Variants in RAB27B observed in about 807,000 individuals in gnomAD.
The protein encoded by RAB27B is ras-related protein Rab-27B.
A neutral mutation model predicts 24.6 loss-of-function variants in RAB27B; 15 were observed. The ratio of observed to expected loss-of-function variants is 0.61; its 90% confidence interval spans 0.41 to 0.94. The LOEUF (loss-of-function observed/expected upper bound fraction) is 0.94, where lower values mean the gene tolerates loss of function less well. Among genes scored for constraint, RAB27B ranks in the 40% least tolerant of loss-of-function variants. The pLI is 0.00. For synonymous variants in RAB27B, 105 were observed against 92.5 expected (o/e 1.14, Z -0.78); for missense variants, 261 against 266.8 (o/e 0.98, Z 0.15).
At chr18:54,730,566 G>A (rs1909697274) in intron 2 of RAB27B, among the ~76,000 whole-genome samples, 1 of 152,022 alleles carries the variant, frequency 6.6e-6, no homozygotes, top group Non-Finnish European at 1.5e-5. Context: ...GTGGGGCCCG[G>A]TGGAGGTGTT....
At chr18:54,815,087 A>G (rs1368956255) in intron 2 of RAB27B, among the ~76,000 whole-genome samples, 3 of 152,172 alleles carry the variant, frequency 2.0e-5, no homozygotes, top group Non-Finnish European at 4.4e-5. Context: ...TTTATGTGCC[A>G]TAGATATATC....
chr18:54,759,629 G>A (rs1908117760), intron 2 of RAB27B, among the ~76,000 whole-genome samples: 1 of 152,200 alleles, frequency 6.6e-6, no homozygotes. Context: ...AAGTGAGAAT[G>A]TGCATTCCTG....
At chr18:54,755,956 C>T (rs1370652358) in intron 2 of RAB27B, among the ~76,000 whole-genome samples, 1 of 152,164 alleles carries the variant, frequency 6.6e-6, no homozygotes, top group East Asian at 1.9e-4. Context: ...AAAGAAACAA[C>T]CAGCAAAGAC....
intron 2 of RAB27B, among the ~76,000 whole-genome samples, chr18:54,800,165 C>T (rs904505215): frequency 6.6e-6 from 1 of 152,108 alleles, no homozygotes; most frequent in African/African-American, 2.4e-5. Flanking sequence ...TGTTCATTCC[C>T]TTTGGCAGCT....
chr18:54,817,301 C>T (rs886787807), intron 2 of RAB27B, among the ~76,000 whole-genome samples: 2 of 152,114 alleles, frequency 1.3e-5, no homozygotes, highest in African/African-American at 4.8e-5. Context: ...GAATTTATCA[C>T]GTATCTTTGG....
At position 54,850,333 on chromosome 18, in the gene RAB27B, G is replaced by GACATAT. The variant is rs869079784; in HGVS notation, c.-20+21634_-20+21635insCATATA. ...TATTTATTTAAAAGCAAACAAACAGGATATATATATATATATATATATATA... is the reference window on the plus strand; with the variant it reads ...TATTTATTTAAAAGCAAACAAACAGGACATATATATATATATATATATATATATATA... On this transcript the variant is annotated intron_variant, in intron 1 of 5. Transcript: ENST00000262094. Among the ~76,000 whole-genome samples, 264 of 95,082 alleles carry GACATAT rather than the reference G, an allele frequency of 2.8e-3. 13 individuals are homozygous for GACATAT. The Middle Eastern group carries it at 0.062, about 23-fold the overall frequency. The allele number at this position is 95,082 out of a possible 152,430, so 62.4% of individuals were successfully genotyped here.
chr18:54,794,192 A>C (rs900298963), intron 2 of RAB27B, among the ~76,000 whole-genome samples: 3 of 152,208 alleles, frequency 2.0e-5, no homozygotes, highest in Admixed American at 6.5e-5. Flanking sequence ...TATGAGAATT[A>C]AGTAAATTAA....
At chr18:54,733,653 C>A (rs546864261) in intron 2 of RAB27B, among the ~76,000 whole-genome samples, 8 of 122,510 alleles carry the variant, frequency 6.5e-5, no homozygotes, top group African/African-American at 1.5e-4. Context: ...TTCTAGAGCC[C>A]CCCCCCCCCA....
chr18:54,718,626 C>T (rs1200077331), intron 2 of RAB27B, among the ~76,000 whole-genome samples: 1 of 152,112 alleles, frequency 6.6e-6, no homozygotes, highest in East Asian at 1.9e-4. Context: ...TTTTCTTAAC[C>T]ATATACCATA....
At chr18:54,816,194 G>T (rs1432000225) in intron 2 of RAB27B, among the ~76,000 whole-genome samples, 1 of 152,168 alleles carries the variant, frequency 6.6e-6, no homozygotes, top group African/African-American at 2.4e-5. Flanking sequence ...TATCAATTGT[G>T]CCAGCAAAAA....
intron 4 of RAB27B, among the ~76,000 whole-genome samples, chr18:54,886,890 T>C (rs1913159103): frequency 2.0e-5 from 3 of 152,120 alleles, no homozygotes; most frequent in Admixed American, 2.0e-4. Flanking sequence ...GCATGCCTTA[T>C]GATAGACATT....
chr18:54,867,525 C>A (rs769474848), intron 1 of RAB27B, among the ~76,000 whole-genome samples: 5 of 146,368 alleles, frequency 3.4e-5, no homozygotes, highest in Non-Finnish European at 7.4e-5. Flanking sequence ...CGGCTCACTG[C>A]AACTTCCGCC....
intron 2 of RAB27B, among the ~76,000 whole-genome samples, chr18:54,814,519 A>T (rs12956220): frequency 0.23 from 34,974 of 152,122 alleles, 4,268 homozygotes; most frequent in East Asian, 0.4. Context: ...ATCCCACTGT[A>T]TCTGAGTAAG....
chr18:54,761,496 A>G (rs1908187687), intron 2 of RAB27B, among the ~76,000 whole-genome samples: 1 of 152,212 alleles, frequency 6.6e-6, no homozygotes, highest in South Asian at 2.1e-4. Context: ...AATACCAAAC[A>G]GTAAAACAGG....
At chr18:54,851,559 TA>T (rs1215527974) in intron 1 of RAB27B, among the ~76,000 whole-genome samples, 1 of 152,198 alleles carries the variant, frequency 6.6e-6, no homozygotes, top group African/African-American at 2.4e-5. Context: ...ATATTTACAC[TA>T]AAAAATTAAT....
intron 1 of RAB27B, among the ~76,000 whole-genome samples, chr18:54,845,558 C>T (rs960741873): frequency 6.6e-6 from 1 of 151,740 alleles, no homozygotes; most frequent in East Asian, 1.9e-4. Flanking sequence ...TCGTTTTTAG[C>T]CTCACCTTGT....
intron 2 of RAB27B, chr18:54,744,956 G>A (rs978479471): frequency 1.0e-5 from 2 of 197,046 alleles, no homozygotes; most frequent in African/African-American, 2.3e-5. Flanking sequence ...ACTGTTGAAA[G>A]CCCTGCTGAT....
chr18:54,858,759 T>C (rs1021329924), intron 1 of RAB27B, among the ~76,000 whole-genome samples: 6 of 152,124 alleles, frequency 3.9e-5, no homozygotes, highest in African/African-American at 1.4e-4. Context: ...TGGAAACTTA[T>C]AAAATAAAAT....
intron 2 of RAB27B, among the ~76,000 whole-genome samples, chr18:54,783,621 C>A (rs925066959): frequency 1.8e-4 from 27 of 152,022 alleles, no homozygotes; most frequent in Admixed American, 1.6e-3. Flanking sequence ...TTAAGGTAAG[C>A]GAAAAGGCAA....
Sources: allele counts gnomAD v4.1 joint callset (sites outside exome capture counted in the v4.1 genomes callset), GRCh38; gene constraint gnomAD v4.1.1; transcripts MANE v1.5; gene names NCBI Gene and HGNC (gene_info 2026-07-23, HGNC 2026-07-21).